MSRA: variants seen among roughly 807,000 people sequenced by gnomAD.
MSRA encodes the protein methionine sulfoxide reductase A.
Under a neutral mutation model 31.3 loss-of-function variants are expected in MSRA, and 54 were observed. The ratio of observed to expected loss-of-function variants is 1.73; its 90% CI spans 1.39 to 2.17. MSRA has a LOEUF of 2.17. Ranked by LOEUF, MSRA falls within the 30% of genes most tolerant of loss-of-function variation. MSRA has a pLI of 0.00. For synonymous variants in MSRA, 169 were observed against 116.5 expected (o/e 1.45, Z -2.90); for missense variants, 507 against 300.9 (o/e 1.69, Z -5.07).
chr8:10,326,739 T>C (rs987693466), intron 5 of MSRA: 1 of 152,228 alleles, frequency 6.6e-6, no homozygotes, highest in Non-Finnish European at 1.5e-5. Context: ...TATTTGCTTA[T>C]AGCACTAATT....
intron 5 of MSRA, among the ~76,000 whole-genome samples, chr8:10,328,161 G>A (rs373396190): frequency 3.8e-4 from 56 of 146,826 alleles, no homozygotes; most frequent in African/African-American, 1.4e-3. Flanking sequence ...CGCCACTTGT[G>A]TGTCAACGTA....
chr8:10,132,703 G>A (rs1370162702), intron 1 of MSRA, among the ~76,000 whole-genome samples: 2 of 152,230 alleles, frequency 1.3e-5, no homozygotes, highest in Non-Finnish European at 1.5e-5. Context: ...AGTCCTGTGA[G>A]ACATGTAATA....
chr8:10,289,648 G>A (rs1044752372), intron 3 of MSRA, among the ~76,000 whole-genome samples: 1 of 152,164 alleles, frequency 6.6e-6, no homozygotes, highest in African/African-American at 2.4e-5. Context: ...AACAGTTTTT[G>A]AAGAATATGA....
chr8:10,214,615 C>T (rs1333422398), intron 2 of MSRA, among the ~76,000 whole-genome samples: 1 of 152,198 alleles, frequency 6.6e-6, no homozygotes, highest in South Asian at 2.1e-4. Flanking sequence ...GCCACTCATT[C>T]CAGGAAAAAG....
chr8:10,333,724 GC>G (rs942410390), intron 5 of MSRA, among the ~76,000 whole-genome samples: 3 of 151,356 alleles, frequency 2.0e-5, no homozygotes, highest in African/African-American at 4.9e-5. Context: ...CTCAGAGCCG[GC>G]CCCCCTCCAT....
chr8:10,255,242 G>C (rs1798115684), intron 3 of MSRA, among the ~76,000 whole-genome samples: 1 of 152,220 alleles, frequency 6.6e-6, no homozygotes. Flanking sequence ...CCACTGCAAG[G>C]CTGCACTTTG....
At chr8:10,145,690 G>A (rs926758408) in intron 1 of MSRA, among the ~76,000 whole-genome samples, 11 of 152,182 alleles carry the variant, frequency 7.2e-5, no homozygotes, top group African/African-American at 2.4e-5. Context: ...CCTGAAATGT[G>A]TAAGACATGG....
At chr8:10,161,593 A>G (rs2129042271) in intron 1 of MSRA, among the ~76,000 whole-genome samples, 1 of 152,302 alleles carries the variant, frequency 6.6e-6, no homozygotes, top group African/African-American at 2.4e-5. Flanking sequence ...CTTTTATACA[A>G]TCTCAACAAA....
chr8:10,090,070 A>T (rs909686804), intron 1 of MSRA, among the ~76,000 whole-genome samples: 1 of 152,200 alleles, frequency 6.6e-6, no homozygotes, highest in South Asian at 2.1e-4. Flanking sequence ...GTTACTATTG[A>T]AAAGGGCTGT....
intron 2 of MSRA, among the ~76,000 whole-genome samples, chr8:10,224,383 G>A (rs910148446): frequency 6.6e-6 from 1 of 152,064 alleles, no homozygotes; most frequent in Non-Finnish European, 1.5e-5. Flanking sequence ...GAAGTCTCTC[G>A]CTACAGCCCA....
intron 1 of MSRA, among the ~76,000 whole-genome samples, chr8:10,141,274 C>T (rs1375947815): frequency 1.3e-5 from 2 of 152,150 alleles, no homozygotes; most frequent in East Asian, 1.9e-4. Flanking sequence ...ACATCACCGT[C>T]GGGAGGCCTG....
At chr8:10,101,793 G>A (rs1237530181) in intron 1 of MSRA, among the ~76,000 whole-genome samples, 5 of 152,298 alleles carry the variant, frequency 3.3e-5, no homozygotes, top group Admixed American at 2.6e-4. Context: ...ATCTGCCAGT[G>A]GAAACTTGGG....
At chr8:10,328,374 AT>A (rs1802500946) in intron 5 of MSRA, among the ~76,000 whole-genome samples, 1 of 151,536 alleles carries the variant, frequency 6.6e-6, no homozygotes. Flanking sequence ...AATGAATCAG[AT>A]TAACAGATTC....
rs1168940299 is a variant in MSRA, at chr8:10,087,707, AAATAT to A, written c.142+33050_142+33054del. ...AGATGACAATATTAGCTCACATTGTAAATATTCTGAGAGTGCCATACCCTCAAGGT... is the reference window on the plus strand; with the variant it reads ...AGATGACAATATTAGCTCACATTGTATCTGAGAGTGCCATACCCTCAAGGT... On this transcript the variant is annotated intron_variant, in intron 1 of 5. Coordinates refer to ENST00000317173, the MANE Select transcript of MSRA (RefSeq NM_012331.5). Among the ~76,000 whole-genome samples the A allele has an allele frequency of 2.0e-5, 3 of 152,178 alleles. No homozygotes were observed. In the East Asian group the frequency reaches 5.8e-4, roughly 29 times the overall value.
intron 1 of MSRA, among the ~76,000 whole-genome samples, chr8:10,068,348 C>T (rs1476603117): frequency 6.6e-6 from 1 of 152,132 alleles, no homozygotes; most frequent in Non-Finnish European, 1.5e-5. Flanking sequence ...TGGACCATTT[C>T]TTTCATGGAT....
chr8:10,411,734 A>G (rs1209528789), intron 5 of MSRA, among the ~76,000 whole-genome samples: 1 of 152,260 alleles, frequency 6.6e-6, no homozygotes, highest in Non-Finnish European at 1.5e-5. Flanking sequence ...TAAAGTTGCT[A>G]AGTCTCATTT....
chr8:10,125,838 C>T (rs1187878899), intron 1 of MSRA, among the ~76,000 whole-genome samples: 1 of 152,208 alleles, frequency 6.6e-6, no homozygotes, highest in East Asian at 1.9e-4. Flanking sequence ...ATACCAATAC[C>T]TGTTATTACT....
intron 2 of MSRA, among the ~76,000 whole-genome samples, chr8:10,210,887 C>A (rs7829161): frequency 0.11 from 16,225 of 151,694 alleles, 1,063 homozygotes; most frequent in East Asian, 0.25. Flanking sequence ...GTGTGCATCA[C>A]CACGCTCACC....
At chr8:10,188,723 T>C (rs1332738295) in intron 1 of MSRA, among the ~76,000 whole-genome samples, 2 of 152,246 alleles carry the variant, frequency 1.3e-5, no homozygotes, top group Admixed American at 1.3e-4. Context: ...TCTTCTCTAT[T>C]CTGTTCCACT....
Sources: gnomAD v4.1 joint callset for allele counts (sites outside exome capture counted in the v4.1 genomes callset) on GRCh38, gnomAD v4.1.1 for gene constraint, MANE v1.5 for transcripts, NCBI Gene and HGNC (gene_info 2026-07-23, HGNC 2026-07-21) for gene names.